Variants in KHDRBS2 observed in about 807,000 individuals in gnomAD.
KHDRBS2 encodes the protein KH domain-containing, RNA-binding, signal transduction-associated protein 2.
In KHDRBS2, 26 loss-of-function variants were observed where a neutral mutation model predicts 44.3. The observed-to-expected ratio is 0.59, with a 90% CI of 0.43 to 0.81. The LOEUF (loss-of-function observed/expected upper bound fraction) is 0.81, where lower values mean the gene tolerates loss of function less well. KHDRBS2 is among the 40% of genes least tolerant of loss of function. KHDRBS2 has a pLI of 0.00. For missense variants in KHDRBS2, 476 were observed against 433.1 expected (o/e 1.10, Z -0.88); for synonymous variants, 194 against 151.1 (o/e 1.28, Z -2.08).
the KHDRBS2 span, among the ~76,000 whole-genome samples, chr6:61,597,450 G>A: frequency 1.3e-5 from 2 of 151,916 alleles, no homozygotes; most frequent in Non-Finnish European, 2.9e-5. Flanking sequence ...GTGGCACCTT[G>A]ATTGTGTTCC....
At chr6:61,905,138 A>G (rs1804725793) in intron 4 of KHDRBS2, among the ~76,000 whole-genome samples, 1 of 152,164 alleles carries the variant, frequency 6.6e-6, no homozygotes, top group Non-Finnish European at 1.5e-5. Flanking sequence ...TATGTTGCCC[A>G]ATTTTTTCAA....
the KHDRBS2 span, among the ~76,000 whole-genome samples, chr6:61,654,421 A>G: frequency 1.3e-5 from 2 of 151,860 alleles, no homozygotes; most frequent in Non-Finnish European, 2.9e-5. Flanking sequence ...GTGTTCATGA[A>G]CCAGAAATCT....
intron 6 of KHDRBS2, among the ~76,000 whole-genome samples, chr6:61,742,381 C>G (rs773684970): frequency 3.3e-5 from 5 of 151,902 alleles, no homozygotes; most frequent in Non-Finnish European, 7.4e-5. Context: ...ACAACAAAAA[C>G]TAACTGTACA....
chr6:62,171,480 G>A (rs1819993087), intron 2 of KHDRBS2, among the ~76,000 whole-genome samples: 1 of 152,106 alleles, frequency 6.6e-6, no homozygotes, highest in Non-Finnish European at 1.5e-5. Context: ...CTGAAAGAGA[G>A]AGAGAAAGCA....
intron 2 of KHDRBS2, among the ~76,000 whole-genome samples, chr6:62,169,034 CATATATATATAT>C (rs369570219): frequency 2.3e-4 from 17 of 72,582 alleles, no homozygotes; most frequent in Admixed American, 1.3e-3. Context: ...GTTCTCCAGT[CATATATATATAT>C]ATATATATAT....
chr6:61,956,745 C>G (rs1220603297), intron 4 of KHDRBS2, among the ~76,000 whole-genome samples: 1 of 152,206 alleles, frequency 6.6e-6, no homozygotes, highest in Non-Finnish European at 1.5e-5. Flanking sequence ...TCTCCACATA[C>G]CAAGCTATGT....
At chr6:61,710,936 T>C (rs1053143372) in intron 7 of KHDRBS2, among the ~76,000 whole-genome samples, 1 of 148,410 alleles carries the variant, frequency 6.7e-6, no homozygotes, top group Non-Finnish European at 1.5e-5. Context: ...GCAACTGGAC[T>C]CAGCAGGGGC....
Position 61,952,594 on chromosome 6 carries a change from A to G in KHDRBS2, c.483+25472T>C, listed in dbSNP as rs113343223. Among the ~76,000 whole-genome samples the G allele has an allele frequency of 5.3e-5, 8 of 152,120 alleles. 1 individual carries two copies. Among genetic ancestry groups the G allele is most frequent in the Admixed American group, 3.3e-4 (5 of 15,238 alleles). ...AATTACATTTGCCCAAACCTAACATAAGCTCATGGATTATCCTATGACTCA... is the reference window on the plus strand; with the variant it reads ...AATTACATTTGCCCAAACCTAACATGAGCTCATGGATTATCCTATGACTCA... On this transcript the variant is annotated intron_variant, in intron 4 of 8. Transcript: ENST00000281156.
At chr6:61,745,133 G>C (rs751122305) in intron 6 of KHDRBS2, among the ~76,000 whole-genome samples, 2 of 152,014 alleles carry the variant, frequency 1.3e-5, no homozygotes, top group Non-Finnish European at 2.9e-5. Flanking sequence ...TTAAACTCTG[G>C]ATTAAAAAAT....
At chr6:61,645,192 C>G in the KHDRBS2 span, among the ~76,000 whole-genome samples, 1 of 152,076 alleles carries the variant, frequency 6.6e-6, no homozygotes, top group Non-Finnish European at 1.5e-5. Flanking sequence ...GGCCACCATA[C>G]TTAGCAAACT....
chr6:61,557,303 A>C, the KHDRBS2 span, among the ~76,000 whole-genome samples: 1 of 152,212 alleles, frequency 6.6e-6, no homozygotes, highest in East Asian at 1.9e-4. Context: ...TAATAGCATA[A>C]AGTTCCCATC....
intron 7 of KHDRBS2, among the ~76,000 whole-genome samples, chr6:61,717,530 T>A (rs1771655456): frequency 6.6e-6 from 1 of 152,042 alleles, no homozygotes; most frequent in African/African-American, 2.4e-5. Flanking sequence ...GTAAATTCAA[T>A]CTCATCATAG....
At chr6:61,562,693 G>T in the KHDRBS2 span, among the ~76,000 whole-genome samples, 2 of 152,044 alleles carry the variant, frequency 1.3e-5, no homozygotes, top group African/African-American at 4.8e-5. Flanking sequence ...AATCACTGTG[G>T]GAGAGCAGAA....
intron 6 of KHDRBS2, among the ~76,000 whole-genome samples, chr6:61,857,915 C>T (rs1196999129): frequency 4.0e-5 from 6 of 151,758 alleles, no homozygotes; most frequent in African/African-American, 1.5e-4. Context: ...ATTCAACTTG[C>T]CATATGATTT....
chr6:61,974,318 G>A (rs1418725821), intron 4 of KHDRBS2, among the ~76,000 whole-genome samples: 1 of 152,026 alleles, frequency 6.6e-6, no homozygotes, highest in Non-Finnish European at 1.5e-5. Context: ...AACCATATGT[G>A]GCAATCCTGG....
intron 7 of KHDRBS2, among the ~76,000 whole-genome samples, chr6:61,709,429 G>A (rs1770132796): frequency 6.6e-6 from 1 of 151,376 alleles, no homozygotes; most frequent in Non-Finnish European, 1.5e-5. Flanking sequence ...TATAAAAAAT[G>A]GGTATTTTGC....
At chr6:62,230,141 G>T (rs1832666447) in intron 1 of KHDRBS2, among the ~76,000 whole-genome samples, 1 of 152,100 alleles carries the variant, frequency 6.6e-6, no homozygotes, top group Non-Finnish European at 1.5e-5. Context: ...CACCTGAAAA[G>T]CCTTCCTGTA....
intron 2 of KHDRBS2, among the ~76,000 whole-genome samples, chr6:62,114,739 G>T (rs1034248257): frequency 4.7e-5 from 7 of 148,256 alleles, no homozygotes; most frequent in East Asian, 1.9e-4. Context: ...TTACAGACAA[G>T]GAATCAAAGG....
intron 4 of KHDRBS2, among the ~76,000 whole-genome samples, chr6:61,958,743 A>AT (rs945064845): frequency 7.9e-5 from 12 of 152,038 alleles, no homozygotes; most frequent in Non-Finnish European, 1.2e-4. Context: ...CTAATGTCTT[A>AT]TTTTTTGCTG....
Sources: allele counts gnomAD v4.1 joint callset (sites outside exome capture counted in the v4.1 genomes callset), GRCh38; gene constraint gnomAD v4.1.1; transcripts MANE v1.5; gene names NCBI Gene and HGNC (gene_info 2026-07-23, HGNC 2026-07-21).